The following NAV2 variants were observed in gnomAD, a reference collection of about 807,000 sequenced individuals.
NAV2 encodes the protein helicase, APC down-regulated 1.
Under a neutral mutation model 223.2 loss-of-function variants are expected in NAV2, and 54 were observed. The ratio of observed to expected loss-of-function variants is 0.24; its 90% CI spans 0.19 to 0.30. NAV2 has a LOEUF of 0.30. NAV2 is among the 10% of genes least tolerant of loss of function. The pLI is 1.00. For missense variants in NAV2, 2,806 were observed against 3,147.5 expected (o/e 0.89, Z 2.60); for synonymous variants, 1,279 against 1,239.3 (o/e 1.03, Z -0.67).
chr11:19,629,542 GACAC>G (rs10604730), intron 1 of NAV2, among the ~76,000 whole-genome samples: 3,916 of 134,632 alleles, frequency 0.029, 138 homozygotes, highest in African/African-American at 0.082. Context: ...CTCTCTCTCT[GACAC>G]ACACACACAC....
chr11:19,577,159 G>T (rs1288941020), intron 1 of NAV2, among the ~76,000 whole-genome samples: 1 of 152,240 alleles, frequency 6.6e-6, no homozygotes, highest in African/African-American at 2.4e-5. Context: ...TATGACGTGG[G>T]TCTAAGCATA....
chr11:19,357,870 AAGTGTGTCTAAGAC>A (rs1853709219), intron 1 of NAV2, among the ~76,000 whole-genome samples: 2 of 152,232 alleles, frequency 1.3e-5, no homozygotes, highest in Admixed American at 1.3e-4. Context: ...AAACCTTTGT[AAGTGTGTCTAAGAC>A]AGCCCTTACA....
chr11:19,513,576 C>G (rs1363186217), intron 1 of NAV2, among the ~76,000 whole-genome samples: 1 of 152,170 alleles, frequency 6.6e-6, no homozygotes, highest in Admixed American at 6.5e-5. Context: ...GCTTGGCACA[C>G]TATGTAAATC....
chr11:19,847,693 ATAT>A lies in NAV2; in HGVS notation c.438+4773_438+4775del, dbSNP rs141738782. Reference sequence around the variant, plus strand: ...GCAATGAAAATGATAATAATGGATAATATTAATTAAAGTGATAAAATATAACCA... The same window carrying A: ...GCAATGAAAATGATAATAATGGATAATAATTAAAGTGATAAAATATAACCA... On this transcript the variant is annotated intron_variant, in intron 3 of 37. Transcript: ENST00000349880. Among the ~76,000 whole-genome samples the A allele has an allele frequency of 5.6e-3, 850 of 152,332 alleles. 3 individuals are homozygous for A. The highest frequency in any genetic ancestry group is 9.7e-3 in the Non-Finnish European group (658 of 68,024).
chr11:19,527,551 C>G (rs1399120837), intron 1 of NAV2, among the ~76,000 whole-genome samples: 2 of 152,078 alleles, frequency 1.3e-5, no homozygotes, highest in Admixed American at 6.5e-5. Context: ...TTCCAGTGGA[C>G]AGACATCAGG....
intron 1 of NAV2, among the ~76,000 whole-genome samples, chr11:19,494,936 C>A (rs1036764962): frequency 6.6e-6 from 1 of 152,218 alleles, no homozygotes; most frequent in Admixed American, 6.5e-5. Context: ...GCAACTCATT[C>A]TTTTCTCTGC....
At chr11:19,346,185 A>G (rs1178386214), upstream of NAV2, among the ~76,000 whole-genome samples, 2 of 151,796 alleles carry the variant, frequency 1.3e-5, no homozygotes, top group Non-Finnish European at 2.9e-5. Flanking sequence ...CTCGTCTGTG[A>G]TCTGAGCTTC....
chr11:19,705,397 A>AT (rs1191512412), intron 1 of NAV2, among the ~76,000 whole-genome samples: 5 of 152,040 alleles, frequency 3.3e-5, no homozygotes, highest in Non-Finnish European at 7.4e-5. Context: ...TTTTATTTAC[A>AT]TTTTTCCTGG....
chr11:20,008,198 C>G (rs2053248633), intron 11 of NAV2, among the ~76,000 whole-genome samples: 1 of 152,132 alleles, frequency 6.6e-6, no homozygotes, highest in Non-Finnish European at 1.5e-5. Flanking sequence ...GAAACCCCAT[C>G]TCTACTAAAA....
chr11:19,934,641 A>G (rs2045683709), intron 7 of NAV2, among the ~76,000 whole-genome samples: 2 of 152,218 alleles, frequency 1.3e-5, no homozygotes, highest in African/African-American at 4.8e-5. Flanking sequence ...AGTCCCCAGC[A>G]TTAGTCCTAA....
chr11:19,684,650 C>T (rs1042230406), intron 1 of NAV2, among the ~76,000 whole-genome samples: 10 of 152,164 alleles, frequency 6.6e-5, no homozygotes, highest in African/African-American at 2.4e-4. Context: ...TTCCAGATCA[C>T]TCAAGGCCCC....
chr11:19,538,286 G>A (rs2044244444), intron 1 of NAV2, among the ~76,000 whole-genome samples: 2 of 152,136 alleles, frequency 1.3e-5, no homozygotes, highest in Admixed American at 1.3e-4. Context: ...CCTCTTCCCT[G>A]AGCTGTGAAT....
intron 1 of NAV2, among the ~76,000 whole-genome samples, chr11:19,759,017 T>G (rs1292702656): frequency 3.3e-5 from 5 of 152,018 alleles, no homozygotes; most frequent in Non-Finnish European, 7.4e-5. Context: ...CACCAACTTC[T>G]GTCTTGAGAG....
chr11:19,389,191 G>T (rs1176077437), intron 1 of NAV2, among the ~76,000 whole-genome samples: 2 of 152,210 alleles, frequency 1.3e-5, no homozygotes, highest in African/African-American at 4.8e-5. Context: ...TGACTGGCTT[G>T]CTGTCCATCC....
At chr11:19,518,829 A>G (rs1047368714) in intron 1 of NAV2, among the ~76,000 whole-genome samples, 1 of 152,128 alleles carries the variant, frequency 6.6e-6, no homozygotes, top group East Asian at 1.9e-4. Flanking sequence ...CTTAACCCTC[A>G]GTGTGATGGG....
chr11:20,002,325 C>T (rs1464265316), intron 11 of NAV2, among the ~76,000 whole-genome samples: 1 of 152,150 alleles, frequency 6.6e-6, no homozygotes. Flanking sequence ...GTAAGAGGTG[C>T]TTTGGGGACA....
In NAV2 at chr11:19,524,309, G is replaced by T. The variant is rs147822967; in HGVS notation, c.75+173282G>T. ...GTTATGCAACGTCTGTGTGTGTGAT[G>T]TCACTTGGCCACCTTTACCTTTGCA... is the stretch of plus-strand genomic sequence containing the variant. On this transcript the variant is annotated intron_variant, in intron 1 of 37. Coordinates refer to the NAV2 transcript ENST00000360655. Among the ~76,000 whole-genome samples the T allele has an allele frequency of 1.4e-3, 216 of 152,330 alleles. 3 individuals carry two copies. The highest frequency in any genetic ancestry group is 0.011 in the Admixed American group (161 of 15,306).
intron 1 of NAV2, among the ~76,000 whole-genome samples, chr11:19,521,141 C>T (rs757658960): frequency 1.1e-4 from 16 of 152,162 alleles, no homozygotes; most frequent in Non-Finnish European, 1.6e-4. Flanking sequence ...CTGAACCCTG[C>T]GTCTCCCCAT....
chr11:19,350,798 GA>G (rs1448141967), exon 1 of NAV2: 1 of 696,832 alleles, frequency 1.4e-6, no homozygotes, highest in Non-Finnish European at 2.5e-6. Context: ...TGGATTTTAA[GA>G]AGACAGGAAG....
Sources: allele counts gnomAD v4.1 joint callset (sites outside exome capture counted in the v4.1 genomes callset), GRCh38; gene constraint gnomAD v4.1.1; transcripts MANE v1.5; gene names NCBI Gene and HGNC (gene_info 2026-07-23, HGNC 2026-07-21).